The following MAS1 variants were observed in gnomAD, a reference collection of about 807,000 sequenced individuals.
The protein encoded by MAS1 is MAS1 proto-oncogene, G protein-coupled receptor.
For synonymous variants in MAS1, 163 were observed against 164.2 expected (o/e 0.99, Z 0.05); for missense variants, 387 against 409.7 (o/e 0.94, Z 0.48).
chr6:159,900,654 C>G (rs757382813), intron 2 of MAS1, among the ~76,000 whole-genome samples: 2 of 152,126 alleles, frequency 1.3e-5, no homozygotes, highest in African/African-American at 2.4e-5. Context: ...CAAAGTCTGC[C>G]TGAGTACTGT....
chr6:159,894,780 AC>A, intron 1 of MAS1, among the ~76,000 whole-genome samples: 1 of 152,258 alleles, frequency 6.6e-6, no homozygotes, highest in South Asian at 2.1e-4. Flanking sequence ...AATTATCTTT[AC>A]CCATAATGGT....
At position 159,894,692 on chromosome 6, in the gene MAS1, T is replaced by A. The variant is rs537573481; in HGVS notation, c.-244+3559T>A. ...TTCTAGAGGACTTGGCTGAGAGCGC[T>A]GCGCTGTTGAATGCACTGGCTCCTT... On this transcript the variant is annotated intron_variant, in intron 1 of 2. Transcript: ENST00000674077. 9.2e-5 allele frequency among the ~76,000 whole-genome samples: 14 copies of A among 152,314 alleles called. No individual in the cohort carries two copies. The South Asian group carries it at 2.7e-3, about 29-fold the overall frequency.
intron 1 of MAS1, among the ~76,000 whole-genome samples, chr6:159,892,409 C>T (rs1015756294): frequency 6.6e-6 from 1 of 152,218 alleles, no homozygotes; most frequent in Non-Finnish European, 1.5e-5. Flanking sequence ...CCCACTCCCC[C>T]AGCCTGAGTT....
At position 159,901,315 on chromosome 6, in the gene MAS1, G is replaced by T. The variant is rs533045413; in HGVS notation, c.-37+1923G>T. Reference sequence around the variant, plus strand: ...TCCGTCCACAACAGTCAATAAGATAGAATTTTAACTCTGAGGCCAGGCACA... The same window carrying T: ...TCCGTCCACAACAGTCAATAAGATATAATTTTAACTCTGAGGCCAGGCACA... On this transcript the variant is annotated intron_variant, in intron 2 of 2. Coordinates refer to ENST00000674077, the MANE Select transcript of MAS1 (RefSeq NM_002377.4). Among the ~76,000 whole-genome samples the T allele has an allele frequency of 2.6e-5, 4 of 152,310 alleles. No individual in the cohort carries two copies. In the South Asian group the frequency reaches 8.3e-4, roughly 32 times the overall value.
chr6:159,903,021 A>G (rs1325592827), intron 2 of MAS1, among the ~76,000 whole-genome samples: 1 of 151,924 alleles, frequency 6.6e-6, no homozygotes, highest in Non-Finnish European at 1.5e-5. Context: ...CACACTCTGC[A>G]CTTAATACTG....
intron 2 of MAS1, among the ~76,000 whole-genome samples, chr6:159,905,733 T>A (rs1000515904): frequency 6.6e-6 from 1 of 152,198 alleles, no homozygotes; most frequent in Non-Finnish European, 1.5e-5. Context: ...AAGACAGATA[T>A]CTATTCACTA....
rs763374675 is a variant in MAS1, at chr6:159,907,028, G to A, written c.73G>A (p.Val25Ile). ...TNISTGRNAS[V>I]GNAHRQIPIV... ...CATCTCAACTGGCAGGAACGCCTCA[G>A]TCGGGAATGCACATCGGCAAATCCC... Residue 25 changes from valine to isoleucine, a missense_variant, in exon 3 of 3, where the codon GTC becomes ATC. Val to Ile is a conservative substitution (Grantham distance 29). Coordinates refer to ENST00000674077, the MANE Select transcript of MAS1 (RefSeq NM_002377.4). The A allele has an allele frequency of 5.6e-6, 9 of 1,613,950 alleles. No individual in the cohort carries two copies. The highest frequency in any genetic ancestry group is 6.8e-6 in the Non-Finnish European group (8 of 1,179,832).
rs1268481133 is a variant in MAS1 at position 159,906,902 on chromosome 6, T to C, written c.-36-18T>C. 2.0e-6 allele frequency: 3 copies of C among 1,516,952 alleles called. No individual in the cohort carries two copies. The East Asian group carries it at 6.8e-5, about 35-fold the overall frequency. 94.0% of individuals were successfully genotyped at this position (1,516,952 alleles called of 1,614,324 possible). A position where few individuals can be genotyped will look rare whatever the true frequency, so the allele number is the denominator to read the frequency against. On this transcript the variant is annotated intron_variant, in intron 2 of 2. Coordinates refer to ENST00000674077, the MANE Select transcript of MAS1 (RefSeq NM_002377.4). ...TTCATGGCTTTTTGTGTTTGTTTTGTTCTGGACATATTTACAGAAAATTAC... is the reference window on the plus strand; with the variant it reads ...TTCATGGCTTTTTGTGTTTGTTTTGCTCTGGACATATTTACAGAAAATTAC...
chr6:159,902,178 A>T lies in MAS1; in HGVS notation c.-37+2786A>T, dbSNP rs1005257449. 3 of 152,338 alleles carry T rather than the reference A, an allele frequency of 2.0e-5. No homozygotes were observed. In the East Asian group the frequency reaches 5.8e-4, roughly 29 times the overall value. 9.4% of individuals were successfully genotyped at this position (152,338 alleles called of 1,614,324 possible). A position where few individuals can be genotyped will look rare whatever the true frequency, so the allele number is the denominator to read the frequency against. On this transcript the variant is annotated intron_variant, in intron 2 of 2. Transcript: ENST00000674077. The stretch of plus-strand genomic sequence containing the variant: ...TGAGAGATCCCAGGGCATGGACCAG[A>T]GGCAGAAAGAGGATCTTGTCAGTAA...
chr6:159,890,410 A>G (rs1195277599), upstream of MAS1, among the ~76,000 whole-genome samples: 1 of 152,182 alleles, frequency 6.6e-6, no homozygotes, highest in Non-Finnish European at 1.5e-5. Flanking sequence ...GGGCATGGCC[A>G]ATGGTGCAGA....
rs1304816587 is a variant in MAS1, at chr6:159,907,112, C to A, written c.157C>A (p.Leu53Ile). The A allele has an allele frequency of 1.9e-6, 3 of 1,614,214 alleles. No individual in the cohort carries two copies. Among genetic ancestry groups the A allele is most frequent in the Non-Finnish European group, 2.5e-6 (3 of 1,180,034 alleles). Residue 53 changes from leucine (L) to isoleucine (I), a missense_variant, in exon 3 of 3, where the codon CTC becomes ATC. Transcript: ENST00000674077. The part of the protein sequence containing the change: ...SPVGFVENGI[L>I]LWFLCFRMRR... Reference sequence around the variant, plus strand: ...AGTGGGGTTTGTTGAGAATGGGATTCTCCTCTGGTTCCTGTGCTTCCGGAT... The same window carrying A: ...AGTGGGGTTTGTTGAGAATGGGATTATCCTCTGGTTCCTGTGCTTCCGGAT...
intron 1 of MAS1, among the ~76,000 whole-genome samples, chr6:159,892,503 G>T (rs908798605): frequency 2.6e-5 from 4 of 152,084 alleles, no homozygotes; most frequent in Admixed American, 2.6e-4. Context: ...GATGTCCTAG[G>T]CTGGGTATCT....
chr6:159,902,079 G>A (rs1375234349), intron 2 of MAS1: 1 of 152,138 alleles, frequency 6.6e-6, no homozygotes, highest in African/African-American at 2.4e-5. Flanking sequence ...GGGTGACAGA[G>A]AAGGGGAGGT....
chr6:159,904,781 A>G (rs1028558466), intron 2 of MAS1, among the ~76,000 whole-genome samples: 3 of 151,576 alleles, frequency 2.0e-5, no homozygotes, highest in African/African-American at 7.3e-5. Flanking sequence ...GTCGCCAAAG[A>G]CCCCTGCCTT....
chr6:159,911,622 G>A lies in MAS1; in HGVS notation c.*3689G>A, dbSNP rs971943907. The stretch of plus-strand genomic sequence containing the variant: ...TAGCAAACTCCATTTATCCATCTAC[G>A]TCCAGCTCAAGCATTAGAGACTCAG... On this transcript the variant is annotated 3_prime_UTR_variant, in exon 3 of 3. Transcript: ENST00000674077. The A allele has an allele frequency of 2.0e-5, 3 of 151,526 alleles. No individual in the cohort carries two copies. Among genetic ancestry groups the A allele is most frequent in the East Asian group, 1.9e-4 (1 of 5,172 alleles). The allele number at this position is 151,526 out of a possible 1,614,324, so 9.4% of individuals were successfully genotyped here.
intron 1 of MAS1, among the ~76,000 whole-genome samples, chr6:159,897,953 C>T (rs1029710363): frequency 9.9e-5 from 15 of 151,756 alleles, no homozygotes; most frequent in Admixed American, 4.6e-4. Flanking sequence ...AGTGCAGTGG[C>T]GCGATCTTGG....
intron 1 of MAS1, among the ~76,000 whole-genome samples, chr6:159,891,516 G>T (rs762860319): frequency 2.0e-5 from 3 of 152,338 alleles, no homozygotes; most frequent in East Asian, 1.9e-4. Flanking sequence ...GAATGATAAA[G>T]AAGTTGAGGT....
intron 1 of MAS1, among the ~76,000 whole-genome samples, chr6:159,896,736 C>A (rs899027132): frequency 6.6e-6 from 1 of 152,060 alleles, no homozygotes; most frequent in African/African-American, 2.4e-5. Context: ...CAGACAGAGC[C>A]GATTTATCAA....
intron 1 of MAS1, among the ~76,000 whole-genome samples, chr6:159,898,671 TCTTCCTCCTCCTCCC>T (rs1782788774): frequency 1.0e-4 from 1 of 9,886 alleles, no homozygotes; most frequent in African/African-American, 2.9e-4. Context: ...TCCTCCTTCC[TCTTCCTCCTCCTCCC>T]TCTTCCTCCT....
Sources: allele counts gnomAD v4.1 joint callset (sites outside exome capture counted in the v4.1 genomes callset), GRCh38; gene constraint gnomAD v4.1.1; transcripts MANE v1.5; gene names NCBI Gene and HGNC (gene_info 2026-07-23, HGNC 2026-07-21).